The following USP9X variants were observed in gnomAD, a reference collection of about 807,000 sequenced individuals.
The protein encoded by USP9X is ubiquitin carboxyl-terminal hydrolase 9X.
USP9X carries 7 observed loss-of-function variants against 190.3 expected under a neutral mutation model. The observed-to-expected ratio is 0.04, with a 90% confidence interval of 0.02 to 0.07. The LOEUF is 0.07. Among genes scored for constraint, USP9X ranks in the 10% least tolerant of loss-of-function variants. The probability of loss-of-function intolerance (pLI) is 1.00; values close to 1 mark genes in which losing one functional copy is unlikely to be tolerated. For synonymous variants in USP9X, 645 were observed against 659.5 expected, an observed-to-expected ratio of 0.98 and a Z score of 0.34; for missense variants, 1,010 against 1,916.9, an observed-to-expected ratio of 0.53 and a Z score of 8.83.
In USP9X at chrX:41,131,684, C is replaced by G. The variant is rs763422575; in HGVS notation, c.322+148C>G. On this transcript the variant is annotated intron_variant, in intron 4 of 44. Transcript: ENST00000378308. ...GAGGGGCTCATATCCTTTGGACATT[C>G]TTAAAGGATGTTTGTGAACTCTCTG... The G allele has an allele frequency of 9.2e-4, 357 of 388,445 alleles. 3 individuals carry two copies. Among genetic ancestry groups the G allele is most frequent in the South Asian group, 2.7e-4 (3 of 11,127 alleles). The allele number at this position is 388,445 out of a possible 1,213,427, so 32.0% of individuals were successfully genotyped here.
chrX:41,131,824 T>TA (rs1232031307), intron 4 of USP9X, among the ~76,000 whole-genome samples: 2 of 111,798 alleles, frequency 1.8e-5, no homozygotes, highest in Admixed American at 9.5e-5. Flanking sequence ...TCTTATCTGT[T>TA]ATGGGAAATA....
At chrX:41,206,808 T>C (rs2063101741) in intron 32 of USP9X, among the ~76,000 whole-genome samples, 1 of 109,203 alleles carries the variant, frequency 9.2e-6, no homozygotes, top group Non-Finnish European at 1.9e-5. Flanking sequence ...ATGGAGTCTT[T>C]GCTCTGTCGC....
At chrX:41,165,286 C>A (rs924988345) in intron 15 of USP9X, among the ~76,000 whole-genome samples, 2 of 111,894 alleles carry the variant, frequency 1.8e-5, no homozygotes, top group Non-Finnish European at 3.8e-5. Flanking sequence ...AGTGCAGCGG[C>A]ACAGTCTTGG....
intron 21 of USP9X, among the ~76,000 whole-genome samples, chrX:41,181,361 C>G (rs1216234233): frequency 1.0e-5 from 1 of 97,005 alleles, no homozygotes; most frequent in East Asian, 3.3e-4. Context: ...TCACTGTAAC[C>G]TCAAACTCCT....
chrX:41,094,043 T>C (rs948690590), intron 1 of USP9X, among the ~76,000 whole-genome samples: 1 of 111,680 alleles, frequency 9.0e-6, no homozygotes, highest in Non-Finnish European at 1.9e-5. Flanking sequence ...GTTTACTGTG[T>C]CCTTTGTAGA....
intron 1 of USP9X, among the ~76,000 whole-genome samples, chrX:41,093,889 G>A (rs952364529): frequency 5.4e-5 from 6 of 112,074 alleles, no homozygotes; most frequent in African/African-American, 1.3e-4. Flanking sequence ...CCCCTAAAAA[G>A]GTGACTGTCG....
At chrX:41,142,990 A>T (rs2062435946) in intron 9 of USP9X, among the ~76,000 whole-genome samples, 1 of 111,727 alleles carries the variant, frequency 9.0e-6, no homozygotes, top group Admixed American at 9.5e-5. Context: ...AAAGATCCTA[A>T]AATTGGTCCT....
At chrX:41,115,339 A>G (rs1320397942) in intron 1 of USP9X, among the ~76,000 whole-genome samples, 5 of 111,876 alleles carry the variant, frequency 4.5e-5, no homozygotes, top group Non-Finnish European at 7.5e-5. Context: ...TAGTGAGTCA[A>G]ATATTTTAAT....
chrX:41,116,635 A>G (rs190397384), intron 1 of USP9X, among the ~76,000 whole-genome samples: 4 of 112,578 alleles, frequency 3.6e-5, no homozygotes, highest in South Asian at 3.6e-4. Flanking sequence ...TCTGAAGGCA[A>G]TATTTTCAGA....
intron 38 of USP9X, among the ~76,000 whole-genome samples, chrX:41,219,732 A>T (rs1465665554): frequency 8.9e-6 from 1 of 112,224 alleles, no homozygotes; most frequent in Non-Finnish European, 1.9e-5. Context: ...TTATGCCTGT[A>T]CTCCCAGCAC....
chrX:41,114,128 CAT>C (rs1264607328), intron 1 of USP9X, among the ~76,000 whole-genome samples: 14 of 112,638 alleles, frequency 1.2e-4, no homozygotes, highest in Admixed American at 5.6e-4. Context: ...AATGGTCTAT[CAT>C]AGTAAAAAAT....
In USP9X at chrX:41,178,226, G is replaced by A. The variant is rs527879842; in HGVS notation, c.3149-5772G>A. Reference sequence around the variant, plus strand: ...GGTGATTCTCCTGCCTCAGCCTCCCGAATAGCTGTGATTACAGGCACCTGC... The same window carrying A: ...GGTGATTCTCCTGCCTCAGCCTCCCAAATAGCTGTGATTACAGGCACCTGC... On this transcript the variant is annotated intron_variant, in intron 21 of 44. Transcript: ENST00000378308. 4.8e-5 allele frequency among the ~76,000 whole-genome samples: 5 copies of A among 103,492 alleles called. No individual in the cohort carries two copies. The South Asian group carries it at 1.9e-3, about 38-fold the overall frequency. 89.9% of individuals were successfully genotyped at this position (103,492 alleles called of 115,157 possible).
chrX:41,095,165 A>G (rs1183138637), intron 1 of USP9X, among the ~76,000 whole-genome samples: 1 of 112,033 alleles, frequency 8.9e-6, no homozygotes, highest in Non-Finnish European at 1.9e-5. Context: ...CTCTGCTTTC[A>G]AGGCTCTGAA....
At chrX:41,164,677 C>T (rs951470475) in intron 15 of USP9X, among the ~76,000 whole-genome samples, 6 of 112,209 alleles carry the variant, frequency 5.3e-5, no homozygotes, top group Non-Finnish European at 1.1e-4. Context: ...CAACACAGTG[C>T]AGCAGGTGTT....
rs111415313 is a variant in USP9X, at chrX:41,210,416, G to A, written c.5016-93G>A. Reference sequence around the variant, plus strand: ...TCGGTTTTATATACTGTTGTTTGTGGTCTTGTTGCTTTTTTTTCCCCTGAA... The same window carrying A: ...TCGGTTTTATATACTGTTGTTTGTGATCTTGTTGCTTTTTTTTCCCCTGAA... On this transcript the variant is annotated intron_variant, in intron 32 of 44. Coordinates refer to ENST00000378308, the MANE Select transcript of USP9X (RefSeq NM_001039591.3). The A allele has an allele frequency of 0.077, 72,908 of 941,794 alleles. 2,461 individuals are homozygous for A. The highest frequency in any genetic ancestry group is 0.092 in the Non-Finnish European group (61,799 of 671,755). The allele number at this position is 941,794 out of a possible 1,213,427, so 77.6% of individuals were successfully genotyped here. A position where few individuals can be genotyped will look rare whatever the true frequency, so the allele number is the denominator to read the frequency against.
At chrX:41,191,719 C>T (rs2062937189) in intron 26 of USP9X, among the ~76,000 whole-genome samples, 1 of 111,713 alleles carries the variant, frequency 9.0e-6, no homozygotes, top group Non-Finnish European at 1.9e-5. Flanking sequence ...AAACCAAAGT[C>T]AAATAAGGCA....
intron 1 of USP9X, among the ~76,000 whole-genome samples, chrX:41,115,949 C>T (rs750452793): frequency 9.0e-6 from 1 of 111,579 alleles, no homozygotes; most frequent in Admixed American, 9.5e-5. Context: ...AAAGGGATTT[C>T]TCTGGTATTA....
chrX:41,192,827 C>T (rs915844399), intron 26 of USP9X, among the ~76,000 whole-genome samples: 4 of 110,929 alleles, frequency 3.6e-5, no homozygotes, highest in Non-Finnish European at 7.6e-5. Context: ...AGAAGGCATA[C>T]GAGAAGTATA....
chrX:41,170,680 A>G, intron 20 of USP9X, 61 bp downstream of exon 20: 1 of 1,093,314 alleles, frequency 9.1e-7, no homozygotes, highest in Non-Finnish European at 1.2e-6. Flanking sequence ...TTTTGAGAAT[A>G]AAGTATATAG....
Sources: allele counts gnomAD v4.1 joint callset (sites outside exome capture counted in the v4.1 genomes callset), GRCh38; gene constraint gnomAD v4.1.1; transcripts MANE v1.5; gene names NCBI Gene and HGNC (gene_info 2026-07-23, HGNC 2026-07-21).